GAS2: variants seen among roughly 807,000 people sequenced by gnomAD.
The protein encoded by GAS2 is growth arrest specific 2.
A neutral mutation model predicts 37.5 loss-of-function variants in GAS2; 20 were observed. The ratio of observed to expected loss-of-function variants is 0.53; its 90% CI spans 0.37 to 0.77. The LOEUF is 0.77. Ranked by LOEUF, GAS2 falls within the 30% of genes least tolerant of loss-of-function variation. The probability of loss-of-function intolerance (pLI) is 0.00; values close to 1 mark genes in which losing one functional copy is unlikely to be tolerated. For missense variants in GAS2, 336 were observed against 373.4 expected, an observed-to-expected ratio of 0.90 and a Z score of 0.82; for synonymous variants, 144 against 132.2, an observed-to-expected ratio of 1.09 and a Z score of -0.61.
At chr11:22,682,894 A>AGG (rs1849761660) in intron 2 of GAS2, among the ~76,000 whole-genome samples, 1 of 61,120 alleles carries the variant, frequency 1.6e-5, no homozygotes, top group African/African-American at 8.9e-5. Context: ...AAAGGAAAAA[A>AGG]AAAAAAAAAA....
chr11:22,674,283 T>C (rs1019159953), intron 1 of GAS2, among the ~76,000 whole-genome samples: 5 of 152,070 alleles, frequency 3.3e-5, no homozygotes, highest in Admixed American at 6.6e-5. Context: ...AGAGAGTCTT[T>C]GGGTGTACCT....
intron 7 of GAS2, among the ~76,000 whole-genome samples, chr11:22,803,445 G>C (rs112447130): frequency 1.5e-4 from 23 of 152,182 alleles, no homozygotes; most frequent in African/African-American, 5.1e-4. Flanking sequence ...GTGATATCTT[G>C]CCTGTGCTGA....
intron 1 of GAS2, among the ~76,000 whole-genome samples, chr11:22,652,602 G>T (rs536332372): frequency 2.7e-4 from 41 of 152,344 alleles, no homozygotes; most frequent in South Asian, 2.5e-3. Context: ...CTCCGAGCCA[G>T]GTGGGGGATA....
intron 6 of GAS2, among the ~76,000 whole-genome samples, chr11:22,753,146 C>T (rs1021303745): frequency 2.0e-5 from 3 of 152,080 alleles, no homozygotes; most frequent in African/African-American, 7.2e-5. Context: ...CTCTTGAAAT[C>T]CCATTTCAGC....
At chr11:22,730,202 AATAG>A in intron 4 of GAS2, among the ~76,000 whole-genome samples, 1 of 151,896 alleles carries the variant, frequency 6.6e-6, no homozygotes, top group Non-Finnish European at 1.5e-5. Context: ...TTGAAGGAAA[AATAG>A]ATAGTAATTA....
At chr11:22,646,555 G>A (rs1369044804) in intron 1 of GAS2, among the ~76,000 whole-genome samples, 2 of 152,174 alleles carry the variant, frequency 1.3e-5, no homozygotes, top group African/African-American at 4.8e-5. Flanking sequence ...CCAGATGACA[G>A]GGAGTTGTAA....
chr11:22,667,961 T>A (rs1849049568), intron 1 of GAS2: 1 of 152,212 alleles, frequency 6.6e-6, no homozygotes, highest in Non-Finnish European at 1.5e-5. Flanking sequence ...AGATCAGTTG[T>A]GTATGAGAGA....
At chr11:22,662,054 C>T (rs1002218521), upstream of GAS2, among the ~76,000 whole-genome samples, 1 of 152,046 alleles carries the variant, frequency 6.6e-6, no homozygotes, top group African/African-American at 2.4e-5. Flanking sequence ...GTGTCTGTTC[C>T]ATAATGTATT....
chr11:22,678,569 G>C (rs937842460), intron 2 of GAS2, among the ~76,000 whole-genome samples: 5 of 137,574 alleles, frequency 3.6e-5, no homozygotes, highest in Non-Finnish European at 6.2e-5. Flanking sequence ...TTAAATTAAA[G>C]CTTTTAATTA....
intron 1 of GAS2, among the ~76,000 whole-genome samples, chr11:22,645,755 A>G (rs1479667589): frequency 6.6e-6 from 1 of 151,856 alleles, no homozygotes; most frequent in Non-Finnish European, 1.5e-5. Flanking sequence ...GTGCCATTAT[A>G]CATTTTTTCT....
chr11:22,652,993 G>GTCTTTCTTTCTTTTCTTTCTT (rs1554965875), intron 1 of GAS2, among the ~76,000 whole-genome samples: 1 of 97,034 alleles, frequency 1.0e-5, no homozygotes, highest in South Asian at 3.6e-4. Context: ...TTCTTTCTTT[G>GTCTTTCTTTCTTTTCTTTCTT]TCTTTCTTTC....
In GAS2 at chr11:22,679,056, C is replaced by G. The variant is rs78904183; in HGVS notation, c.145+4042C>G. Among the ~76,000 whole-genome samples, 811 of 152,084 alleles carry G rather than the reference C, an allele frequency of 5.3e-3. 11 individuals are homozygous for G. Among genetic ancestry groups the G allele is most frequent in the African/African-American group, 0.018 (764 of 41,542 alleles). ...GTGGTTAATAGTAGCTGGGATTTCTCTAGGGGGTAGCACACACTGATTAAT... is the reference window on the plus strand; with the variant it reads ...GTGGTTAATAGTAGCTGGGATTTCTGTAGGGGGTAGCACACACTGATTAAT... On this transcript the variant is annotated intron_variant, in intron 2 of 7. Coordinates refer to ENST00000454584, the MANE Select transcript of GAS2 (RefSeq NM_001143830.3).
At chr11:22,687,563 G>T (rs1342735523) in intron 3 of GAS2, among the ~76,000 whole-genome samples, 11 of 152,164 alleles carry the variant, frequency 7.2e-5, no homozygotes, top group Admixed American at 7.2e-4. Context: ...GCAAGAATTT[G>T]ACACAGACAA....
At chr11:22,632,150 T>G (rs1590549353) in intron 1 of GAS2, among the ~76,000 whole-genome samples, 1 of 152,256 alleles carries the variant, frequency 6.6e-6, no homozygotes, top group East Asian at 1.9e-4. Flanking sequence ...TTTTTATTTC[T>G]TTGGGGTTGG....
At chr11:22,783,538 A>G (rs1000525464) in intron 7 of GAS2, among the ~76,000 whole-genome samples, 4 of 152,142 alleles carry the variant, frequency 2.6e-5, no homozygotes, top group African/African-American at 4.8e-5. Context: ...GACTTGCCAT[A>G]TGCTTTTCGT....
intron 7 of GAS2, among the ~76,000 whole-genome samples, chr11:22,791,851 T>G (rs1856179839): frequency 6.6e-6 from 1 of 152,200 alleles, no homozygotes; most frequent in South Asian, 2.1e-4. Flanking sequence ...AACAAGCACA[T>G]CACTGGAGGC....
chr11:22,705,073 A>G (rs562663950), intron 3 of GAS2, among the ~76,000 whole-genome samples: 2 of 152,260 alleles, frequency 1.3e-5, no homozygotes, highest in South Asian at 4.1e-4. Context: ...TCTTAGCTCA[A>G]ATTTTTTCAA....
chr11:22,755,751 T>A, intron 6 of GAS2, 95 bp from the exon 7 acceptor site: 1 of 743,386 alleles, frequency 1.3e-6, no homozygotes, highest in Admixed American at 2.5e-5. Flanking sequence ...AAGTTTAAAG[T>A]CATTAAGGGT....
chr11:22,684,480 G>T (rs1196882841), intron 2 of GAS2, among the ~76,000 whole-genome samples: 1 of 151,030 alleles, frequency 6.6e-6, no homozygotes, highest in Admixed American at 6.6e-5. Flanking sequence ...GCTTGAATCT[G>T]TAGGACTTCT....
Sources: gnomAD v4.1 joint callset for allele counts (sites outside exome capture counted in the v4.1 genomes callset) on GRCh38, gnomAD v4.1.1 for gene constraint, MANE v1.5 for transcripts, NCBI Gene and HGNC (gene_info 2026-07-23, HGNC 2026-07-21) for gene names.